Variants in MICU1 observed in about 807,000 individuals in gnomAD.
The protein encoded by MICU1 is mitochondrial calcium uptake 1.
Under a neutral mutation model 56.8 loss-of-function variants are expected in MICU1, and 45 were observed. The observed-to-expected ratio is 0.79, with a 90% CI of 0.62 to 1.02. The LOEUF is 1.02. Among genes scored for constraint, MICU1 ranks in the 50% least tolerant of loss-of-function variants. The probability of loss-of-function intolerance (pLI) is 0.00; values close to 1 mark genes in which losing one functional copy is unlikely to be tolerated. For synonymous variants in MICU1, 186 were observed against 195.1 expected (o/e 0.95, Z 0.39); for missense variants, 504 against 587.1 (o/e 0.86, Z 1.46).
At chr10:72,454,898 G>C (rs1200860192) in intron 8 of MICU1, among the ~76,000 whole-genome samples, 2 of 152,056 alleles carry the variant, frequency 1.3e-5, no homozygotes, top group African/African-American at 4.8e-5. Flanking sequence ...GAAAAACCTA[G>C]TTCAGTACAA....
intron 5 of MICU1, among the ~76,000 whole-genome samples, chr10:72,514,248 C>T (rs1397093021): frequency 6.6e-6 from 1 of 152,080 alleles, no homozygotes; most frequent in East Asian, 1.9e-4. Flanking sequence ...ATACATCATC[C>T]TTTTAGCTAC....
intron 5 of MICU1, chr10:72,524,015 T>C: frequency 8.0e-7 from 1 of 1,250,634 alleles, no homozygotes; most frequent in Non-Finnish European, 1.0e-6. Flanking sequence ...TTGTATTTAT[T>C]ATGTAAGAAA....
intron 6 of MICU1, among the ~76,000 whole-genome samples, chr10:72,502,595 A>C (rs16929939): frequency 0.1 from 15,658 of 152,136 alleles, 2,331 homozygotes; most frequent in African/African-American, 0.32. Flanking sequence ...TGCATATGCT[A>C]ATGTACTTTC....
intron 1 of MICU1, among the ~76,000 whole-genome samples, chr10:72,620,757 G>A (rs1409203726): frequency 4.6e-5 from 7 of 150,650 alleles, no homozygotes; most frequent in Admixed American, 4.6e-4. Flanking sequence ...CCTCTCCCAC[G>A]ATGTGGCAAT....
intron 5 of MICU1, chr10:72,509,334 T>C: frequency 1.5e-6 from 2 of 1,293,662 alleles, no homozygotes; most frequent in Non-Finnish European, 2.0e-6. Flanking sequence ...AGGAGTATGA[T>C]GAAAACTAAA....
intron 6 of MICU1, among the ~76,000 whole-genome samples, chr10:72,486,078 C>G (rs1866465784): frequency 6.6e-6 from 1 of 151,862 alleles, no homozygotes; most frequent in Non-Finnish European, 1.5e-5. Context: ...TACATCTCCC[C>G]AAATTTAAGT....
intron 1 of MICU1, among the ~76,000 whole-genome samples, chr10:72,597,095 G>A (rs1228124239): frequency 6.6e-6 from 1 of 151,976 alleles, no homozygotes; most frequent in Non-Finnish European, 1.5e-5. Context: ...ACCTAGAACT[G>A]CTCCCCCAAA....
chr10:72,505,101 G>A (rs1291128721), intron 6 of MICU1, among the ~76,000 whole-genome samples: 1 of 151,686 alleles, frequency 6.6e-6, no homozygotes, highest in Non-Finnish European at 1.5e-5. Context: ...AGCCTCCTGA[G>A]TAGCTGGGAT....
intron 4 of MICU1, among the ~76,000 whole-genome samples, chr10:72,534,075 G>C (rs1352564077): frequency 6.6e-6 from 1 of 151,872 alleles, no homozygotes; most frequent in Non-Finnish European, 1.5e-5. Flanking sequence ...CTCCTCCCAA[G>C]GTGGTGCTCT....
chr10:72,598,930 G>A (rs1342408089), intron 1 of MICU1, among the ~76,000 whole-genome samples: 1 of 151,746 alleles, frequency 6.6e-6, no homozygotes, highest in African/African-American at 2.4e-5. Flanking sequence ...AACCTGCAAA[G>A]TCATTCCAAG....
intron 10 of MICU1, among the ~76,000 whole-genome samples, chr10:72,390,714 G>C (rs900156895): frequency 5.9e-5 from 9 of 152,112 alleles, no homozygotes; most frequent in Non-Finnish European, 1.0e-4. Context: ...GCAGAAGCCA[G>C]ATAAAAAGTA....
intron 8 of MICU1, among the ~76,000 whole-genome samples, chr10:72,441,457 T>C (rs1864925122): frequency 6.6e-6 from 1 of 150,564 alleles, no homozygotes; most frequent in Non-Finnish European, 1.5e-5. Flanking sequence ...CTAATGTAAA[T>C]GATGAGTTGA....
chr10:72,384,145 C>T (rs914088969), intron 10 of MICU1, among the ~76,000 whole-genome samples: 7 of 152,160 alleles, frequency 4.6e-5, no homozygotes, highest in Non-Finnish European at 8.8e-5. Flanking sequence ...AGGCTCGCGC[C>T]ACCATGCCTG....
intron 1 of MICU1, among the ~76,000 whole-genome samples, chr10:72,579,251 T>C (rs1184932887): frequency 6.6e-6 from 1 of 152,166 alleles, no homozygotes; most frequent in Non-Finnish European, 1.5e-5. Context: ...TTATTGCTTA[T>C]AGTTCTGGAG....
chr10:72,530,635 C>T (rs1441669781), intron 5 of MICU1, among the ~76,000 whole-genome samples: 1 of 151,984 alleles, frequency 6.6e-6, no homozygotes, highest in Admixed American at 6.6e-5. Context: ...ATGCAAGTGC[C>T]AATAATAATG....
intron 10 of MICU1, among the ~76,000 whole-genome samples, chr10:72,378,510 T>C (rs1174949465): frequency 6.6e-6 from 1 of 152,210 alleles, no homozygotes; most frequent in Admixed American, 6.5e-5. Context: ...GTAAGTTTCC[T>C]GAGGCCTCCT....
In MICU1 at chr10:72,512,100, GTTTTTTGTTTTTTTTTT is replaced by G. The variant is rs747045366; in HGVS notation, c.538-3848_538-3832del. On this transcript the variant is annotated intron_variant, in intron 5 of 11. Transcript: ENST00000361114. ...ATCAATCTGGCATCCATACACAGTT[GTTTTTTGTTTTTTTTTT>G]TTTTTTTTTTTTTGAGACGGAGTCT... Among the ~76,000 whole-genome samples, 9 of 82,338 alleles carry G rather than the reference GTTTTTTGTTTTTTTTTT, an allele frequency of 1.1e-4. 1 individual carries two copies. In the East Asian group the frequency reaches 3.4e-3, roughly 31 times the overall value. The allele number at this position is 82,338 out of a possible 152,430, so 54.0% of individuals were successfully genotyped here. A position where few individuals can be genotyped will look rare whatever the true frequency, so the allele number is the denominator to read the frequency against.
chr10:72,499,169 G>C (rs756930923), intron 6 of MICU1, among the ~76,000 whole-genome samples: 3 of 152,130 alleles, frequency 2.0e-5, no homozygotes, highest in Admixed American at 6.5e-5. Flanking sequence ...GCCACAATTT[G>C]CTTCTTTGCC....
chr10:72,400,277 T>C (rs971602968), intron 10 of MICU1, among the ~76,000 whole-genome samples: 1 of 152,122 alleles, frequency 6.6e-6, no homozygotes, highest in Non-Finnish European at 1.5e-5. Flanking sequence ...GGTTGCAATT[T>C]CCCTTTGCTA....
Sources: gnomAD v4.1 joint callset for allele counts (sites outside exome capture counted in the v4.1 genomes callset) on GRCh38, gnomAD v4.1.1 for gene constraint, MANE v1.5 for transcripts, NCBI Gene and HGNC (gene_info 2026-07-23, HGNC 2026-07-21) for gene names.